TNKS2: variants seen among roughly 807,000 people sequenced by gnomAD.
The protein encoded by TNKS2 is tankyrase 2, also known as poly [ADP-ribose] polymerase tankyrase-2.
In TNKS2, 72 loss-of-function variants were observed where a neutral mutation model predicts 137.6. The observed-to-expected ratio is 0.52, with a 90% CI of 0.43 to 0.64. The LOEUF is 0.64. Ranked by LOEUF, TNKS2 falls within the 30% of genes least tolerant of loss-of-function variation. TNKS2 has a pLI of 0.00. For synonymous variants in TNKS2, 516 were observed against 512.1 expected (o/e 1.01, Z -0.10); for missense variants, 1,049 against 1,410.2 (o/e 0.74, Z 4.10).
intron 4 of TNKS2, 83 bp from the exon 5 acceptor site, chr10:91,819,399 A>ATT: frequency 3.7e-6 from 5 of 1,348,720 alleles, no homozygotes; most frequent in South Asian, 1.5e-5. Flanking sequence ...TTTAAAAAGA[A>ATT]TTTTTTTTTA....
intron 6 of TNKS2, among the ~76,000 whole-genome samples, chr10:91,821,169 C>T (rs370016994): frequency 1.3e-5 from 2 of 152,268 alleles, no homozygotes; most frequent in East Asian, 3.9e-4. Context: ...TTCTGAGTAG[C>T]TGGGATTACA....
intron 1 of TNKS2, among the ~76,000 whole-genome samples, chr10:91,802,110 A>G (rs867825866): frequency 6.6e-6 from 1 of 152,228 alleles, no homozygotes; most frequent in Non-Finnish European, 1.5e-5. Context: ...TTTTATATTT[A>G]TAGTATGTTA....
chr10:91,835,189 G>A (rs1331527217), intron 12 of TNKS2, among the ~76,000 whole-genome samples: 18 of 134,186 alleles, frequency 1.3e-4, no homozygotes, highest in Admixed American at 1.1e-3. Context: ...CTGCCTACTA[G>A]CAGATGGAAA....
At chr10:91,843,530 T>C (rs1842276700) in intron 16 of TNKS2, among the ~76,000 whole-genome samples, 1 of 152,202 alleles carries the variant, frequency 6.6e-6, no homozygotes, top group African/African-American at 2.4e-5. Context: ...TACAATTCAT[T>C]TCGTGACATT....
intron 11 of TNKS2, 33 bp from the exon 12 acceptor site, chr10:91,833,820 C>T (rs529915948): frequency 2.3e-5 from 34 of 1,506,390 alleles, no homozygotes; most frequent in South Asian, 1.8e-4. Context: ...TTTTGCATTG[C>T]GGGCTAATTT....
intron 1 of TNKS2, among the ~76,000 whole-genome samples, chr10:91,809,082 A>G (rs1207871417): frequency 1.3e-5 from 2 of 152,230 alleles, no homozygotes; most frequent in African/African-American, 2.4e-5. Flanking sequence ...TCAAGAAAAT[A>G]TATAAAATAC....
chr10:91,799,509 A>G (rs1844088978), intron 1 of TNKS2, among the ~76,000 whole-genome samples: 1 of 152,212 alleles, frequency 6.6e-6, no homozygotes, highest in Non-Finnish European at 1.5e-5. Flanking sequence ...ACACACACAC[A>G]TACAAGTTGG....
intron 2 of TNKS2, 102 bp from the exon 3 acceptor site, chr10:91,817,032 A>G: frequency 1.4e-6 from 1 of 711,826 alleles, no homozygotes; most frequent in Non-Finnish European, 2.4e-6. Context: ...TCTTTAAACA[A>G]CTTTGAGACT....
At chr10:91,799,027 T>C in intron 1 of TNKS2, 138 bp downstream of exon 1, 1 of 1,226,422 alleles carries the variant, frequency 8.2e-7, no homozygotes. Flanking sequence ...TCTCTTCCAG[T>C]GGGGACTAAG....
chr10:91,831,710 CA>C (rs2133635694), intron 11 of TNKS2, among the ~76,000 whole-genome samples: 1 of 152,270 alleles, frequency 6.6e-6, no homozygotes, highest in East Asian at 1.9e-4. Context: ...TTTTATTCAC[CA>C]AATATGCTTT....
chr10:91,864,508 G>A lies in TNKS2; in HGVS notation c.*1509G>A, dbSNP rs1010837484. The A allele has an allele frequency of 2.6e-5, 4 of 152,338 alleles. No homozygotes were observed. The highest frequency in any genetic ancestry group is 4.8e-5 in the African/African-American group (2 of 41,376). The allele number at this position is 152,338 out of a possible 1,614,324, so 9.4% of individuals were successfully genotyped here. The stretch of plus-strand genomic sequence containing the variant: ...CTGTACCAGTTCACCTTTATTTTAC[G>A]TTTTATTCAGTCTGTAAATTAACTG... On this transcript the variant is annotated 3_prime_UTR_variant, in exon 27 of 27. Transcript: ENST00000371627.
intron 1 of TNKS2, among the ~76,000 whole-genome samples, chr10:91,811,831 G>A (rs971923413): frequency 6.6e-6 from 1 of 152,128 alleles, no homozygotes; most frequent in Non-Finnish European, 1.5e-5. Context: ...AGACCAAGGC[G>A]GGTGGATCAT....
chr10:91,815,036 T>C (rs1207632910), intron 2 of TNKS2, among the ~76,000 whole-genome samples: 5 of 152,308 alleles, frequency 3.3e-5, no homozygotes, highest in Non-Finnish European at 4.4e-5. Flanking sequence ...AAGAAAAATA[T>C]ACAGTATGTG....
In TNKS2 at chr10:91,822,293, T is replaced by G; in HGVS notation, c.729-3T>G. 1 of 1,609,300 alleles carries G rather than the reference T, an allele frequency of 6.2e-7. No homozygotes were observed. Among genetic ancestry groups the G allele is most frequent in the Non-Finnish European group, 8.5e-7 (1 of 1,177,434 alleles). On this transcript the variant is annotated splice_region_variant and splice_polypyrimidine_tract_variant and intron_variant, in intron 6 of 26. Transcript: ENST00000371627. ...CAGGATTTTCCCCCCCTTCTCATTG[T>G]AGTGATCTGGTACCATTACACAATG...
chr10:91,828,994 CAG>C (rs1253765923), intron 9 of TNKS2, among the ~76,000 whole-genome samples: 6 of 151,960 alleles, frequency 3.9e-5, no homozygotes, highest in African/African-American at 1.2e-4. Flanking sequence ...ATGGTAAAAT[CAG>C]GGGCTACCTT....
intron 21 of TNKS2, among the ~76,000 whole-genome samples, chr10:91,851,646 A>T (rs1301268797): frequency 6.6e-6 from 1 of 152,192 alleles, no homozygotes; most frequent in Non-Finnish European, 1.5e-5. Flanking sequence ...CTTAAATTGT[A>T]TTATTTTAAA....
At position 91,845,882 on chromosome 10, in the gene TNKS2, A is replaced by G. The variant is rs1332069693; in HGVS notation, c.2300A>G (p.His767Arg). ...CAGCTTTGTGCTTTGTTGCTAGCCC[A>G]TGGAGCTGACCCGACTCTTAAAAAT... Reference protein sequence around the residue: ...RTQLCALLLAHGADPTLKNQE... With the variant: ...RTQLCALLLARGADPTLKNQE... Residue 767 changes from histidine (H) to arginine (R), a missense_variant, in exon 18 of 27, where the codon CAT (histidine) becomes CGT (arginine). Physicochemically the swap from His to Arg is conservative, Grantham distance 29. Coordinates refer to ENST00000371627, the MANE Select transcript of TNKS2 (RefSeq NM_025235.4). 1.2e-6 allele frequency: 2 copies of G among 1,606,346 alleles called. No homozygotes were observed. The highest frequency in any genetic ancestry group is 1.3e-5 in the African/African-American group (1 of 74,858).
At chr10:91,831,070 T>C in intron 10 of TNKS2, 33 bp from the exon 11 acceptor site, 1 of 1,613,118 alleles carries the variant, frequency 6.2e-7, no homozygotes, top group Non-Finnish European at 8.5e-7. Context: ...TTGGAAAATA[T>C]ATTCACTGTC....
At chr10:91,830,864 A>T in intron 9 of TNKS2, 59 bp from the exon 10 acceptor site, 1 of 1,343,936 alleles carries the variant, frequency 7.4e-7, no homozygotes, top group South Asian at 1.3e-5. Flanking sequence ...GGAAACACGA[A>T]TGTTCTTAAA....
Sources: allele counts gnomAD v4.1 joint callset (sites outside exome capture counted in the v4.1 genomes callset), GRCh38; gene constraint gnomAD v4.1.1; transcripts MANE v1.5; gene names NCBI Gene and HGNC (gene_info 2026-07-23, HGNC 2026-07-21).